The following PRR16 variants were observed in gnomAD, a reference collection of about 807,000 sequenced individuals.
PRR16 encodes the protein proline rich 16, also known as protein Largen.
A neutral mutation model predicts 18.2 loss-of-function variants in PRR16; 6 were observed. That is an observed-to-expected ratio of 0.33 (90% CI 0.18 to 0.65). The LOEUF is 0.65. PRR16 is among the 30% of genes least tolerant of loss of function. The pLI is 0.74. For missense variants in PRR16, 412 were observed against 376.6 expected (o/e 1.09, Z -0.78); for synonymous variants, 151 against 147.8 (o/e 1.02, Z -0.16).
At chr5:120,578,345 T>A (rs1030723449) in intron 1 of PRR16, among the ~76,000 whole-genome samples, 2 of 152,172 alleles carry the variant, frequency 1.3e-5, no homozygotes, top group Non-Finnish European at 2.9e-5. Context: ...GGTATATGGG[T>A]GCCATGGTTG....
intron 1 of PRR16, among the ~76,000 whole-genome samples, chr5:120,528,401 T>C (rs1396805253): frequency 6.6e-6 from 1 of 152,160 alleles, no homozygotes; most frequent in Non-Finnish European, 1.5e-5. Flanking sequence ...CATTATTTTG[T>C]AGGACTCAAG....
chr5:120,777,035 AAAC>A, the PRR16 span, among the ~76,000 whole-genome samples: 18 of 152,156 alleles, frequency 1.2e-4, no homozygotes, highest in Admixed American at 5.9e-4. Context: ...GTGTAAATTA[AAAC>A]AACAACAACA....
chr5:120,481,364 C>T (rs1044831233), intron 1 of PRR16: 19 of 347,596 alleles, frequency 5.5e-5, no homozygotes, highest in South Asian at 2.7e-4. Flanking sequence ...CTCTTGAGCT[C>T]AGGTGATCTG....
intron 1 of PRR16, among the ~76,000 whole-genome samples, chr5:120,613,839 C>G (rs1754416145): frequency 6.6e-6 from 1 of 152,186 alleles, no homozygotes; most frequent in African/African-American, 2.4e-5. Flanking sequence ...TAGCCCTCTG[C>G]TGTTTAGCCT....
intron 1 of PRR16, among the ~76,000 whole-genome samples, chr5:120,639,959 A>T (rs758180005): frequency 1.8e-4 from 27 of 152,072 alleles, no homozygotes; most frequent in Non-Finnish European, 3.7e-4. Context: ...CTATGCAACC[A>T]TTAATAAAGA....
intron 1 of PRR16, among the ~76,000 whole-genome samples, chr5:120,498,426 G>A (rs568994151): frequency 6.6e-6 from 1 of 150,626 alleles, no homozygotes; most frequent in African/African-American, 2.4e-5. Flanking sequence ...AATGAAGTAT[G>A]GAAACCTTAA....
the PRR16 span, among the ~76,000 whole-genome samples, chr5:120,737,190 C>A: frequency 6.6e-6 from 1 of 151,954 alleles, no homozygotes; most frequent in Non-Finnish European, 1.5e-5. Context: ...TTGCTTTAGT[C>A]CTGACTGATT....
the PRR16 span, among the ~76,000 whole-genome samples, chr5:120,729,978 A>T: frequency 6.6e-6 from 1 of 152,126 alleles, no homozygotes; most frequent in Non-Finnish European, 1.5e-5. Context: ...AAGGAAATGG[A>T]GAGATAGCCA....
the PRR16 span, among the ~76,000 whole-genome samples, chr5:120,699,253 G>T: frequency 5.3e-5 from 8 of 152,258 alleles, no homozygotes; most frequent in African/African-American, 1.9e-4. Context: ...GAAATGAGAG[G>T]TTCTAAGAGG....
At chr5:120,549,108 TATTG>T (rs892789901) in intron 1 of PRR16, among the ~76,000 whole-genome samples, 3 of 151,980 alleles carry the variant, frequency 2.0e-5, no homozygotes, top group African/African-American at 2.4e-5. Flanking sequence ...GTTTCTCTTT[TATTG>T]ATTGATTGAT....
chr5:120,654,229 C>A lies in PRR16; in HGVS notation c.160-31725C>A, dbSNP rs111586999. ...TCATCTTGGACCACAAGTTAGAAGACGCAAATTGAATATGCACTGGACTAC... is the reference window on the plus strand; with the variant it reads ...TCATCTTGGACCACAAGTTAGAAGAAGCAAATTGAATATGCACTGGACTAC... On this transcript the variant is annotated intron_variant, in intron 1 of 1. Transcript: ENST00000407149. 4.9e-3 allele frequency among the ~76,000 whole-genome samples: 747 copies of A among 152,062 alleles called. 1 individual carries two copies. The highest frequency in any genetic ancestry group is 0.017 in the African/African-American group (716 of 41,518).
intron 1 of PRR16, among the ~76,000 whole-genome samples, chr5:120,508,022 A>G (rs1220065976): frequency 3.3e-5 from 5 of 152,082 alleles, no homozygotes; most frequent in Non-Finnish European, 5.9e-5. Context: ...AAATAACTAT[A>G]TTTCTCAACC....
intron 1 of PRR16, chr5:120,618,644 A>G (rs1270719514): frequency 4.1e-6 from 3 of 735,750 alleles, no homozygotes; most frequent in Non-Finnish European, 5.0e-6. Context: ...ATTGTTGATT[A>G]TCTCAGGATA....
At chr5:120,654,032 A>G (rs1755881210) in intron 1 of PRR16, among the ~76,000 whole-genome samples, 1 of 152,064 alleles carries the variant, frequency 6.6e-6, no homozygotes, top group Non-Finnish European at 1.5e-5. Context: ...CCAAAAACCT[A>G]CATTTCTCAA....
chr5:120,529,688 C>T lies in PRR16; in HGVS notation c.159+65043C>T, dbSNP rs563163953. On this transcript the variant is annotated intron_variant, in intron 1 of 1. Transcript: ENST00000407149. ...GACAGGGAAAAAATCCTTAAACATC[C>T]ACTTGAAAAATGTGGCAAGGAAGGT... Among the ~76,000 whole-genome samples, 454 of 152,238 alleles carry T rather than the reference C, an allele frequency of 3.0e-3. 3 individuals are homozygous for T. The highest frequency in any genetic ancestry group is 0.011 in the African/African-American group (444 of 41,550).
Position 120,672,257 on chromosome 5 carries a change from TG to T in PRR16, c.160-13696del, listed in dbSNP as rs1580863715. Among the ~76,000 whole-genome samples, 4 of 151,018 alleles carry T rather than the reference TG, an allele frequency of 2.6e-5. No homozygotes were observed. The Admixed American group carries it at 2.6e-4, about 10-fold the overall frequency. Reference sequence around the variant, plus strand: ...AGGGGTCTGTGTGTGTGTGTGTGTGTGTGTGTGTGTGTGTGTGTGTGTGTTG... The same window carrying T: ...AGGGGTCTGTGTGTGTGTGTGTGTGTTGTGTGTGTGTGTGTGTGTGTGTTG... On this transcript the variant is annotated intron_variant, in intron 1 of 1. Coordinates refer to ENST00000407149, the MANE Select transcript of PRR16 (RefSeq NM_001300783.2).
At chr5:120,674,305 A>G (rs886218924) in intron 1 of PRR16, among the ~76,000 whole-genome samples, 2 of 152,136 alleles carry the variant, frequency 1.3e-5, no homozygotes, top group Non-Finnish European at 2.9e-5. Flanking sequence ...CTTGGATCCT[A>G]TGCATCTCTT....
chr5:120,559,326 G>T (rs1365613316), intron 1 of PRR16, among the ~76,000 whole-genome samples: 1 of 151,778 alleles, frequency 6.6e-6, no homozygotes, highest in Non-Finnish European at 1.5e-5. Context: ...TTTTGTATGT[G>T]ATGAGAGGTA....
At chr5:120,660,157 G>T (rs905789244) in intron 1 of PRR16, among the ~76,000 whole-genome samples, 2 of 151,958 alleles carry the variant, frequency 1.3e-5, no homozygotes, top group Admixed American at 6.6e-5. Flanking sequence ...GGCAAACCAA[G>T]AATTTTATAG....
Sources: gnomAD v4.1 joint callset for allele counts (sites outside exome capture counted in the v4.1 genomes callset) on GRCh38, gnomAD v4.1.1 for gene constraint, MANE v1.5 for transcripts, NCBI Gene and HGNC (gene_info 2026-07-23, HGNC 2026-07-21) for gene names.